GRID2: variants seen among roughly 807,000 people sequenced by gnomAD.
GRID2 encodes glutamate ionotropic receptor delta type subunit 2, also known as glutamate receptor ionotropic, delta-2.
A neutral mutation model predicts 114.8 loss-of-function variants in GRID2; 33 were observed. The ratio of observed to expected loss-of-function variants is 0.29; its 90% CI spans 0.22 to 0.38. GRID2 has a LOEUF of 0.38. Among genes scored for constraint, GRID2 ranks in the 10% least tolerant of loss-of-function variants. The pLI, the probability that GRID2 is intolerant of heterozygous loss-of-function variation, is 1.00. For missense variants in GRID2, 1,184 were observed against 1,257.7 expected, an observed-to-expected ratio of 0.94 and a Z score of 0.89; for synonymous variants, 505 against 449.9, an observed-to-expected ratio of 1.12 and a Z score of -1.55.
chr4:92,725,763 T>A (rs571992261), intron 2 of GRID2, among the ~76,000 whole-genome samples: 44 of 152,270 alleles, frequency 2.9e-4, no homozygotes, highest in African/African-American at 1.0e-3. Flanking sequence ...TGTGCTCAAA[T>A]GCTGAAAGCT....
intron 3 of GRID2, among the ~76,000 whole-genome samples, chr4:93,094,646 T>C (rs187011884): frequency 6.8e-4 from 103 of 152,040 alleles, no homozygotes; most frequent in Non-Finnish European, 1.2e-3. Flanking sequence ...AGTGTGTGCA[T>C]AGATGATTGG....
chr4:92,415,150 T>G (rs1731534273), intron 1 of GRID2, among the ~76,000 whole-genome samples: 1 of 152,090 alleles, frequency 6.6e-6, no homozygotes, highest in Non-Finnish European at 1.5e-5. Flanking sequence ...TATTTTATTT[T>G]CATGAATAAT....
intron 1 of GRID2, 94 bp downstream of exon 1, chr4:92,304,838 C>G: frequency 1.1e-6 from 1 of 900,738 alleles, no homozygotes; most frequent in Non-Finnish European, 1.8e-6. Context: ...CTCTGTGTGT[C>G]TTGTTGGAGG....
chr4:92,318,874 C>A (rs1014684749), intron 1 of GRID2, among the ~76,000 whole-genome samples: 2 of 152,010 alleles, frequency 1.3e-5, no homozygotes, highest in Non-Finnish European at 2.9e-5. Flanking sequence ...CTTTCGCTAC[C>A]ATTTAGAACA....
In GRID2 at chr4:93,532,019, T is replaced by C. The variant is rs148755629; in HGVS notation, c.2193+16608T>C. On this transcript the variant is annotated intron_variant, in intron 13 of 15. Coordinates refer to ENST00000282020, the MANE Select transcript of GRID2 (RefSeq NM_001510.4). The stretch of plus-strand genomic sequence containing the variant: ...TTGTTGTTTGGGCTAAAGAGGAAGA[T>C]AAAAAAGGAGTTTGAATCTGAAATT... Among the ~76,000 whole-genome samples the C allele has an allele frequency of 4.6e-5, 7 of 152,184 alleles. No homozygotes were observed. In the East Asian group the frequency reaches 9.7e-4, roughly 21 times the overall value.
At chr4:92,804,507 T>C (rs1386221938) in intron 2 of GRID2, among the ~76,000 whole-genome samples, 1 of 152,028 alleles carries the variant, frequency 6.6e-6, no homozygotes, top group Non-Finnish European at 1.5e-5. Context: ...GGTTAAATTA[T>C]TAGGTGAGTT....
intron 8 of GRID2, among the ~76,000 whole-genome samples, chr4:93,393,396 G>A (rs181047421): frequency 6.6e-6 from 1 of 152,010 alleles, no homozygotes; most frequent in East Asian, 1.9e-4. Context: ...TTGTCAAGCA[G>A]AGGAGAGAAA....
intron 2 of GRID2, among the ~76,000 whole-genome samples, chr4:92,878,584 A>G (rs995277992): frequency 8.5e-5 from 13 of 152,124 alleles, no homozygotes; most frequent in Admixed American, 2.6e-4. Flanking sequence ...CTTGTTTAAG[A>G]TTTCGTGGCT....
intron 14 of GRID2, among the ~76,000 whole-genome samples, chr4:93,738,954 A>G (rs35036627): frequency 0.09 from 13,707 of 152,092 alleles, 1,404 homozygotes; most frequent in African/African-American, 0.25. Flanking sequence ...CAGAGTTTTA[A>G]TAAATCGACT....
chr4:92,851,052 G>A (rs952035773), intron 2 of GRID2, among the ~76,000 whole-genome samples: 1 of 151,884 alleles, frequency 6.6e-6, no homozygotes, highest in Non-Finnish European at 1.5e-5. Context: ...CTTTTAATTA[G>A]TATTACTGAA....
intron 2 of GRID2, among the ~76,000 whole-genome samples, chr4:92,655,454 G>A (rs978381536): frequency 6.6e-6 from 1 of 151,732 alleles, no homozygotes; most frequent in African/African-American, 2.4e-5. Context: ...GATTGGATTG[G>A]ATCTGCAGAT....
chr4:92,641,726 A>G (rs563483717), intron 2 of GRID2, among the ~76,000 whole-genome samples: 23 of 151,730 alleles, frequency 1.5e-4, no homozygotes, highest in Admixed American at 1.3e-3. Flanking sequence ...TTACATGGGT[A>G]TATTGCACCC....
chr4:92,642,418 T>C (rs370374277), intron 2 of GRID2, among the ~76,000 whole-genome samples: 4 of 152,038 alleles, frequency 2.6e-5, no homozygotes, highest in African/African-American at 9.6e-5. Context: ...CATATGTTTG[T>C]GGGCTACTTG....
At chr4:93,393,738 C>T (rs530454673) in intron 8 of GRID2, among the ~76,000 whole-genome samples, 9 of 151,934 alleles carry the variant, frequency 5.9e-5, no homozygotes, top group Non-Finnish European at 8.8e-5. Context: ...ACTGTTAATC[C>T]AGTTGCTGAT....
At chr4:92,962,723 C>A (rs78959502) in intron 2 of GRID2, among the ~76,000 whole-genome samples, 3,038 of 152,002 alleles carry the variant, frequency 0.02, 43 homozygotes, top group East Asian at 0.053. Context: ...GCAAAACTCA[C>A]ATAAGTATGG....
intron 9 of GRID2, 44 bp from the exon 10 acceptor site, chr4:93,422,727 A>G: frequency 8.6e-7 from 1 of 1,159,660 alleles, no homozygotes; most frequent in Non-Finnish European, 1.3e-6. Context: ...GCTTTTAGGG[A>G]GCACTATAGA....
At chr4:93,724,994 A>T (rs921901801) in intron 14 of GRID2, among the ~76,000 whole-genome samples, 4 of 151,830 alleles carry the variant, frequency 2.6e-5, no homozygotes, top group African/African-American at 9.7e-5. Flanking sequence ...TAATTTTATT[A>T]TTATTATACT....
intron 1 of GRID2, among the ~76,000 whole-genome samples, chr4:92,576,959 C>A (rs62310084): frequency 0.21 from 31,939 of 152,024 alleles, 3,757 homozygotes; most frequent in South Asian, 0.3. Flanking sequence ...TCCAAAGGTA[C>A]CTTGATTACT....
intron 2 of GRID2, among the ~76,000 whole-genome samples, chr4:92,961,700 G>T (rs886880127): frequency 6.6e-6 from 1 of 150,996 alleles, no homozygotes; most frequent in African/African-American, 2.4e-5. Context: ...TGAATCTTTG[G>T]TTTGGTGTCA....
Sources: allele counts gnomAD v4.1 joint callset (sites outside exome capture counted in the v4.1 genomes callset), GRCh38; gene constraint gnomAD v4.1.1; transcripts MANE v1.5; gene names NCBI Gene and HGNC (gene_info 2026-07-23, HGNC 2026-07-21).